RRP1: variants seen among roughly 807,000 people sequenced by gnomAD.
The protein encoded by RRP1 is ribosomal RNA processing 1.
RRP1 carries 37 observed loss-of-function variants against 54.6 expected under a neutral mutation model. The ratio of observed to expected loss-of-function variants is 0.68; its 90% CI spans 0.52 to 0.89. The LOEUF is 0.89. Ranked by LOEUF, RRP1 falls within the 40% of genes least tolerant of loss-of-function variation. The pLI is 0.00. For missense variants in RRP1, 639 were observed against 612.5 expected, an observed-to-expected ratio of 1.04 and a Z score of -0.46; for synonymous variants, 262 against 244.3, an observed-to-expected ratio of 1.07 and a Z score of -0.67.
rs1390937041 is a variant in RRP1, at chr21:43,793,333, C to G, written c.289C>G (p.Gln97Glu). 3.1e-6 allele frequency: 5 copies of G among 1,614,066 alleles called. No individual in the cohort carries two copies. The highest frequency in any genetic ancestry group is 4.2e-6 in the Non-Finnish European group (5 of 1,180,036). Residue 97 changes from glutamine to glutamate, a missense_variant, in exon 4 of 13, where the codon CAG (glutamine) becomes GAG (glutamate). Physicochemically the swap from Gln to Glu is conservative, Grantham distance 29. Transcript: ENST00000497547. ...QTTEAQHLFLQAFWQTMNREW... is the reference protein window; with the variant it reads ...QTTEAQHLFLEAFWQTMNREW... ...TCCTTCTCCAGAGCACCTGTTCCTT[C>G]AGGCCTTCTGGCAGACCATGAATCG... is the stretch of plus-strand genomic sequence containing the variant.
intron 11 of RRP1, among the ~76,000 whole-genome samples, chr21:43,801,742 A>G (rs1334761296): frequency 6.6e-6 from 1 of 152,180 alleles, no homozygotes; most frequent in African/African-American, 2.4e-5. Context: ...GATCGTGTGC[A>G]TCTGGCAGGT....
chr21:43,795,745 T>A (rs951843668), intron 5 of RRP1, among the ~76,000 whole-genome samples: 4 of 152,130 alleles, frequency 2.6e-5, no homozygotes, highest in African/African-American at 9.6e-5. Context: ...TAGAGACGAG[T>A]TCTGTCCTGT....
At chr21:43,800,648 C>T (rs370563345) in intron 10 of RRP1, 34 bp downstream of exon 10, 2 of 1,599,010 alleles carry the variant, frequency 1.3e-6, no homozygotes, top group Admixed American at 1.7e-5. Context: ...CCTCCCTGCT[C>T]CCCTTGGAGT....
At position 43,803,695 on chromosome 21, in the gene RRP1, C is replaced by T; in HGVS notation, c.1307C>T (p.Thr436Ile). 6 of 1,554,630 alleles carry T rather than the reference C, an allele frequency of 3.9e-6. No individual in the cohort carries two copies. Among genetic ancestry groups the T allele is most frequent in the Non-Finnish European group, 5.2e-6 (6 of 1,149,440 alleles). Residue 436 changes from threonine (T) to isoleucine (I), a missense_variant, in exon 13 of 13, where the codon ACA becomes ATA. Thr to Ile is a moderately conservative substitution (Grantham distance 89). Coordinates refer to ENST00000497547, the MANE Select transcript of RRP1 (RefSeq NM_003683.6). ...GQRGARQRRR[T>I]PRPLTSARAK... ...AGAGGGGCTCGCCAGAGAAGGAGGA[C>T]ACCTCGGCCCCTGACCAGTGCCCGA... is the stretch of plus-strand genomic sequence containing the variant.
chr21:43,800,847 G>A lies in RRP1; in HGVS notation c.990-15G>A, dbSNP rs200895005. ...CCGCAGCTGTGGTAAGTGGGTATCTGTCTTACTCTTTCAGGCTGCAGGACC... is the reference window on the plus strand; with the variant it reads ...CCGCAGCTGTGGTAAGTGGGTATCTATCTTACTCTTTCAGGCTGCAGGACC... On this transcript the variant is annotated splice_polypyrimidine_tract_variant and intron_variant, in intron 10 of 12. Transcript: ENST00000497547. 136 of 1,613,550 alleles carry A rather than the reference G, an allele frequency of 8.4e-5. No homozygotes were observed. Among genetic ancestry groups the A allele is most frequent in the Non-Finnish European group, 3.9e-5 (46 of 1,180,036 alleles).
chr21:43,803,707 T>C lies in RRP1; in HGVS notation c.1319T>C (p.Leu440Pro). ...ARQRRRTPRP[L>P]TSARAKAANV... ...CAGAGAAGGAGGACACCTCGGCCCC[T>C]GACCAGTGCCCGAGCAAAGGCGGCC... Residue 440 changes from leucine to proline, a missense_variant, in exon 13 of 13, where the codon CTG (leucine) becomes CCG (proline). Transcript: ENST00000497547. The C allele has an allele frequency of 1.9e-6, 3 of 1,559,244 alleles. No individual in the cohort carries two copies. Among genetic ancestry groups the C allele is most frequent in the East Asian group, 4.8e-5 (2 of 42,044 alleles).
chr21:43,795,377 A>G, intron 5 of RRP1, 127 bp downstream of exon 5: 1 of 860,176 alleles, frequency 1.2e-6, no homozygotes, highest in East Asian at 2.5e-5. Context: ...AATCGTGCTT[A>G]GAGAGAAGAT....
intron 5 of RRP1, among the ~76,000 whole-genome samples, chr21:43,796,456 T>C (rs985820321): frequency 6.6e-6 from 1 of 152,258 alleles, no homozygotes; most frequent in Non-Finnish European, 1.5e-5. Flanking sequence ...ACAGGAATCA[T>C]GTGGAAGACC....
chr21:43,797,488 C>T lies in RRP1; in HGVS notation c.489C>T (p.Asn163=), dbSNP rs374682912. The T allele has an allele frequency of 1.7e-5, 28 of 1,613,806 alleles. No individual in the cohort carries two copies. The African/African-American group carries it at 1.7e-4, about 10-fold the overall frequency. Residue 163 remains asparagine, a synonymous_variant, in exon 6 of 13, where the codon AAC becomes AAT. Coordinates refer to ENST00000497547, the MANE Select transcript of RRP1 (RefSeq NM_003683.6). ...TGCACCCCAGCAGCCAGGCCCCCAACGGTGTGAAGAGCCACTTCATCGAGA... is the reference window on the plus strand; with the variant it reads ...TGCACCCCAGCAGCCAGGCCCCCAATGGTGTGAAGAGCCACTTCATCGAGA... ...EILHPSSQAP[N]GVKSHFIEIF... is the part of the protein sequence containing the mutation.
In RRP1 at chr21:43,799,652, G is replaced by T; in HGVS notation, c.891+3G>T. 2 of 1,606,840 alleles carry T rather than the reference G, an allele frequency of 1.2e-6. No individual in the cohort carries two copies. Among genetic ancestry groups the T allele is most frequent in the East Asian group, 4.5e-5 (2 of 44,648 alleles). On this transcript the variant is annotated splice_donor_region_variant and intron_variant, in intron 9 of 12. Transcript: ENST00000497547. ...ACAGTGGCGGCCCCGTTCTCCAGGTGGGTTCCCTGGGCTCATGGCTGTGCC... is the reference window on the plus strand; with the variant it reads ...ACAGTGGCGGCCCCGTTCTCCAGGTTGGTTCCCTGGGCTCATGGCTGTGCC...
chr21:43,799,704 G>C, intron 9 of RRP1, 55 bp downstream of exon 9: 1 of 1,517,588 alleles, frequency 6.6e-7, no homozygotes, highest in Non-Finnish European at 9.0e-7. Context: ...CTGTGCTACC[G>C]CTTGCTCTGG....
At chr21:43,795,057 C>G (rs1375090356) in intron 4 of RRP1, 132 bp from the exon 5 acceptor site, 1 of 824,002 alleles carries the variant, frequency 1.2e-6, no homozygotes, top group Non-Finnish European at 2.1e-6. Context: ...TGGGGGCCGG[C>G]TGTGTGCTGG....
chr21:43,800,080 C>G (rs560625893), intron 9 of RRP1, among the ~76,000 whole-genome samples: 56 of 152,380 alleles, frequency 3.7e-4, no homozygotes, highest in African/African-American at 1.3e-3. Flanking sequence ...GGTCTGACTT[C>G]AGGCAAATTG....
chr21:43,800,455 C>T lies in RRP1; in HGVS notation c.892-62C>T, dbSNP rs562110853. 1.1e-5 allele frequency: 17 copies of T among 1,528,992 alleles called. No homozygotes were observed. In the East Asian group the frequency reaches 1.4e-4, roughly 12 times the overall value. The allele number at this position is 1,528,992 out of a possible 1,614,324, so 94.7% of individuals were successfully genotyped here. On this transcript the variant is annotated intron_variant, in intron 9 of 12. Transcript: ENST00000497547. ...TGCTATCTGGGTCTCAGGGGTTCCA[C>T]GTTCTCGGAGCACGCAGAGCGTGGC... is the stretch of plus-strand genomic sequence containing the variant.
At chr21:43,799,962 C>A (rs1050455536) in intron 9 of RRP1, among the ~76,000 whole-genome samples, 35 of 152,226 alleles carry the variant, frequency 2.3e-4, no homozygotes, top group Non-Finnish European at 4.4e-4. Flanking sequence ...CATGGGCAGC[C>A]CCCCAGATTT....
chr21:43,800,773 G>A (rs980138811), intron 10 of RRP1, 89 bp from the exon 11 acceptor site: 146 of 1,578,820 alleles, frequency 9.2e-5, no homozygotes, highest in Middle Eastern at 1.9e-4. Flanking sequence ...GGTTCCCCTG[G>A]CTAGGAACCT....
At chr21:43,800,399 G>A in intron 9 of RRP1, 118 bp from the exon 10 acceptor site, 1 of 846,196 alleles carries the variant, frequency 1.2e-6, no homozygotes, top group Non-Finnish European at 1.9e-6. Flanking sequence ...GTTCCTGTGA[G>A]CCGGGTGGAG....
At position 43,799,482 on chromosome 21, in the gene RRP1, G is replaced by A. The variant is rs554627489; in HGVS notation, c.812-88G>A. ...CGCCTGTGCCCGTGCTCCGACCAGGGTGCACGGAGCGGGCTCTCCATTCCT... is the reference window on the plus strand; with the variant it reads ...CGCCTGTGCCCGTGCTCCGACCAGGATGCACGGAGCGGGCTCTCCATTCCT... On this transcript the variant is annotated intron_variant, in intron 8 of 12. Transcript: ENST00000497547. The A allele has an allele frequency of 2.7e-5, 37 of 1,372,174 alleles. No individual in the cohort carries two copies. The Admixed American group carries it at 5.5e-4, about 20-fold the overall frequency. 85.0% of individuals were successfully genotyped at this position (1,372,174 alleles called of 1,614,324 possible).
chr21:43,796,298 T>G (rs1314357262), intron 5 of RRP1, among the ~76,000 whole-genome samples: 1 of 152,218 alleles, frequency 6.6e-6, no homozygotes, highest in Admixed American at 6.5e-5. Context: ...GGAGTCTCAT[T>G]CATTCTGGGC....
Sources: gnomAD v4.1 joint callset for allele counts (sites outside exome capture counted in the v4.1 genomes callset) on GRCh38, gnomAD v4.1.1 for gene constraint, MANE v1.5 for transcripts, NCBI Gene and HGNC (gene_info 2026-07-23, HGNC 2026-07-21) for gene names.